Variants in SVOPL observed in about 807,000 individuals in gnomAD.
SVOPL encodes the protein SVOP like.
SVOPL carries 60 observed loss-of-function variants against 61.0 expected under a neutral mutation model. The ratio of observed to expected loss-of-function variants is 0.98; its 90% CI spans 0.80 to 1.22. The LOEUF (loss-of-function observed/expected upper bound fraction) is 1.22. Ranked by LOEUF, SVOPL falls within the 50% of genes most tolerant of loss-of-function variation. The pLI is 0.00. For synonymous variants in SVOPL, 279 were observed against 250.0 expected, an observed-to-expected ratio of 1.12 and a Z score of -1.09; for missense variants, 662 against 643.9, an observed-to-expected ratio of 1.03 and a Z score of -0.30.
intron 8 of SVOPL, among the ~76,000 whole-genome samples, chr7:138,647,528 A>T (rs918805578): frequency 2.6e-5 from 4 of 151,626 alleles, no homozygotes; most frequent in African/African-American, 7.3e-5. Context: ...GTGCCTGGAG[A>T]TGGGATATAC....
chr7:138,674,517 A>C (rs1167909690), intron 3 of SVOPL, among the ~76,000 whole-genome samples: 1 of 151,884 alleles, frequency 6.6e-6, no homozygotes, highest in Non-Finnish European at 1.5e-5. Context: ...GTGGCCTGGC[A>C]GAGAGCCCTT....
intron 4 of SVOPL, among the ~76,000 whole-genome samples, chr7:138,664,643 C>T (rs1802174034): frequency 7.6e-6 from 1 of 131,948 alleles, no homozygotes; most frequent in Non-Finnish European, 1.6e-5. Flanking sequence ...CCAGCACCCC[C>T]GATCCTCCAT....
intron 1 of SVOPL, among the ~76,000 whole-genome samples, chr7:138,679,982 C>A (rs1350006423): frequency 2.0e-5 from 3 of 152,098 alleles, no homozygotes; most frequent in Non-Finnish European, 2.9e-5. Context: ...CCAAATTAGA[C>A]AACCAGGACT....
chr7:138,599,167 A>AAAAACC (rs58372563), intron 14 of SVOPL, among the ~76,000 whole-genome samples: 71 of 121,832 alleles, frequency 5.8e-4, no homozygotes, highest in African/African-American at 2.2e-3. Flanking sequence ...ACCAAAAAAA[A>AAAAACC]AAGAAATACA....
intron 14 of SVOPL, among the ~76,000 whole-genome samples, chr7:138,604,651 C>A (rs1257971594): frequency 2.4e-5 from 3 of 122,950 alleles, no homozygotes; most frequent in Non-Finnish European, 4.8e-5. Context: ...ACACTCCAAC[C>A]TGGGCAACAG....
In SVOPL at chr7:138,606,010, T is replaced by TAAA. The variant is rs200384998; in HGVS notation, c.1354-9483_1354-9481dup. On this transcript the variant is annotated intron_variant, in intron 14 of 15. Coordinates refer to ENST00000674285, the MANE Select transcript of SVOPL (RefSeq NM_001139456.2). ...TTTTTTTAAATTGTTTTTTTCTATT[T>TAAA]AAAAAAAAAAAGCCAGTTAGAAATC... 2.8e-4 allele frequency among the ~76,000 whole-genome samples: 42 copies of TAAA among 147,510 alleles called. 1 individual carries two copies. Among genetic ancestry groups the TAAA allele is most frequent in the Admixed American group, 1.0e-3 (15 of 14,844 alleles).
rs1563096095 is a variant in SVOPL, at chr7:138,622,074, C to CTATG, written c.1264-940_1264-939insCATA. Among the ~76,000 whole-genome samples the CTATG allele has an allele frequency of 9.9e-3, 243 of 24,666 alleles. 17 individuals are homozygous for CTATG. The highest frequency in any genetic ancestry group is 0.041 in the African/African-American group (226 of 5,472). The allele number at this position is 24,666 out of a possible 152,430, so 16.2% of individuals were successfully genotyped here. ...TCTATGTATCTATCTATCTATGTAT[C>CTATG]TATCTATCTATCTATGTATCTATCT... On this transcript the variant is annotated intron_variant, in intron 13 of 15. Transcript: ENST00000674285.
intron 8 of SVOPL, among the ~76,000 whole-genome samples, chr7:138,648,773 T>G (rs1254659382): frequency 6.7e-6 from 1 of 150,344 alleles, no homozygotes; most frequent in Non-Finnish European, 1.5e-5. Context: ...AAAAAAAAAA[T>G]TAGCTGGGTA....
chr7:138,656,909 G>A (rs1801766347), intron 6 of SVOPL, among the ~76,000 whole-genome samples: 1 of 152,114 alleles, frequency 6.6e-6, no homozygotes, highest in South Asian at 2.1e-4. Context: ...GGGTGTGGTG[G>A]CGCATGCCTG....
chr7:138,636,581 G>C (rs755171451), intron 9 of SVOPL, among the ~76,000 whole-genome samples: 1 of 150,056 alleles, frequency 6.7e-6, no homozygotes, highest in African/African-American at 2.5e-5. Context: ...AGTGATTCTC[G>C]TGCCTCGGCC....
At chr7:138,635,259 C>T (rs1269818545) in intron 9 of SVOPL, among the ~76,000 whole-genome samples, 1 of 115,614 alleles carries the variant, frequency 8.6e-6, no homozygotes, top group African/African-American at 3.2e-5. Flanking sequence ...GCGACAAGAG[C>T]AAAACTGTCT....
At chr7:138,622,254 GTATCTATC>G (rs1380131790) in intron 13 of SVOPL, among the ~76,000 whole-genome samples, 5 of 52,888 alleles carry the variant, frequency 9.5e-5, no homozygotes, top group East Asian at 1.0e-3. Context: ...ATCTATCTAT[GTATCTATC>G]TATCTATGTA....
chr7:138,630,217 T>C (rs1165132659), intron 9 of SVOPL, 95 bp from the exon 10 acceptor site: 18 of 1,056,980 alleles, frequency 1.7e-5, no homozygotes, highest in African/African-American at 4.7e-5. Context: ...GAGAATCATA[T>C]TGGAGCATGG....
chr7:138,639,695 T>C (rs1258489104), intron 9 of SVOPL, among the ~76,000 whole-genome samples: 1 of 151,818 alleles, frequency 6.6e-6, no homozygotes, highest in Non-Finnish European at 1.5e-5. Context: ...CACCTATAGC[T>C]TTACAAGAGA....
intron 1 of SVOPL, chr7:138,689,060 GA>G: frequency 1.4e-6 from 1 of 725,850 alleles, no homozygotes. Context: ...TTCACTTTAA[GA>G]ACACTCATGA....
intron 9 of SVOPL, among the ~76,000 whole-genome samples, chr7:138,637,463 T>TAG (rs1435621140): frequency 0.022 from 422 of 19,092 alleles, 3 homozygotes; most frequent in African/African-American, 0.051. Flanking sequence ...TAGATATATA[T>TAG]ATATAGATAT....
At chr7:138,631,732 C>T (rs1054590585) in intron 9 of SVOPL, among the ~76,000 whole-genome samples, 1 of 152,090 alleles carries the variant, frequency 6.6e-6, no homozygotes, top group African/African-American at 2.4e-5. Context: ...AATCGTCCAG[C>T]TAATTTTTGT....
intron 14 of SVOPL, among the ~76,000 whole-genome samples, chr7:138,617,477 C>T (rs1416917828): frequency 6.6e-6 from 1 of 152,176 alleles, no homozygotes; most frequent in African/African-American, 2.4e-5. Context: ...TCTCCCAGTC[C>T]TCCCTATTGA....
intron 14 of SVOPL, among the ~76,000 whole-genome samples, chr7:138,597,749 T>C (rs1798340493): frequency 6.6e-6 from 1 of 151,866 alleles, no homozygotes; most frequent in African/African-American, 2.4e-5. Flanking sequence ...TAAGATCAGA[T>C]CATGCCATAA....
Sources: gnomAD v4.1 joint callset for allele counts (sites outside exome capture counted in the v4.1 genomes callset) on GRCh38, gnomAD v4.1.1 for gene constraint, MANE v1.5 for transcripts, NCBI Gene and HGNC (gene_info 2026-07-23, HGNC 2026-07-21) for gene names.